AKAP6: variants seen among roughly 807,000 people sequenced by gnomAD.
AKAP6 encodes the protein A-kinase anchoring protein 6.
A neutral mutation model predicts 188.5 loss-of-function variants in AKAP6; 58 were observed. The ratio of observed to expected loss-of-function variants is 0.31; its 90% CI spans 0.25 to 0.38. AKAP6 has a LOEUF of 0.38. AKAP6 is among the 10% of genes least tolerant of loss of function. The pLI is 1.00. For missense variants in AKAP6, 2,710 were observed against 2,740.0 expected (o/e 0.99, Z 0.24); for synonymous variants, 989 against 998.6 (o/e 0.99, Z 0.18).
rs552698061 is a variant in AKAP6, at chr14:32,444,539, T to A, written c.324+10722T>A. On this transcript the variant is annotated intron_variant, in intron 2 of 13. Coordinates refer to ENST00000280979, the MANE Select transcript of AKAP6 (RefSeq NM_004274.5). ...AGCTGCTTCTATTGTTCTGTGATAC[T>A]TTAATGCACCATTTTTCTTCATTAT... Among the ~76,000 whole-genome samples, 3 of 152,338 alleles carry A rather than the reference T, an allele frequency of 2.0e-5. No homozygotes were observed. The East Asian group carries it at 5.8e-4, about 29-fold the overall frequency.
intron 12 of AKAP6, among the ~76,000 whole-genome samples, chr14:32,788,213 A>G (rs1253040340): frequency 1.3e-5 from 2 of 152,172 alleles, no homozygotes; most frequent in East Asian, 1.9e-4. Context: ...GTATTATAAT[A>G]CAATATGGTG....
At position 32,492,134 on chromosome 14, in the gene AKAP6, A is replaced by G. The variant is rs552238993; in HGVS notation, c.325-43420A>G. Among the ~76,000 whole-genome samples, 69 of 151,764 alleles carry G rather than the reference A, an allele frequency of 4.5e-4. 2 individuals carry two copies. In the South Asian group the frequency reaches 0.01, roughly 23 times the overall value. ...AAAATACCTCATACTATCCTTCTAC[A>G]TCTCATGTGATGCCCCTTCCTCCTT... On this transcript the variant is annotated intron_variant, in intron 2 of 13. Transcript: ENST00000280979.
intron 1 of AKAP6, among the ~76,000 whole-genome samples, chr14:32,355,185 C>G (rs993442960): frequency 2.0e-5 from 3 of 152,144 alleles, no homozygotes; most frequent in Non-Finnish European, 4.4e-5. Context: ...AGGATTCTAA[C>G]TGATACAAAC....
chr14:32,470,677 T>G (rs1259402467), intron 2 of AKAP6, among the ~76,000 whole-genome samples: 1 of 152,212 alleles, frequency 6.6e-6, no homozygotes, highest in East Asian at 1.9e-4. Context: ...AATCGTAGTT[T>G]GAACAGACAA....
chr14:32,452,011 ATTTTTTTTTTTT>A (rs61035125), intron 2 of AKAP6, among the ~76,000 whole-genome samples: 11 of 66,202 alleles, frequency 1.7e-4, no homozygotes, highest in Admixed American at 1.2e-3. Flanking sequence ...TTTTCTTTAC[ATTTTTTTTTTTT>A]TTTTTTTTTT....
intron 11 of AKAP6, among the ~76,000 whole-genome samples, chr14:32,762,098 T>C (rs1442460217): frequency 1.3e-5 from 2 of 152,192 alleles, no homozygotes; most frequent in African/African-American, 4.8e-5. Flanking sequence ...TGTAGTATAA[T>C]GGCTAAGTCG....
rs1377315065 is a variant in AKAP6, at chr14:32,837,166, C to T, written c.*7361C>T. On this transcript the variant is annotated 3_prime_UTR_variant, in exon 14 of 14. Transcript: ENST00000280979. ...TATGGGGACGTTTGACTAGGATCAC[C>T]AGATGTAGATTTGGTAATTTTTCCA... 6.6e-6 allele frequency: 1 copy of T among 152,122 alleles called. No individual in the cohort carries two copies. Among genetic ancestry groups the T allele is most frequent in the African/African-American group, 2.4e-5 (1 of 41,412 alleles). The allele number at this position is 152,122 out of a possible 1,614,324, so 9.4% of individuals were successfully genotyped here.
At chr14:32,797,255 G>A (rs909276653) in intron 12 of AKAP6, among the ~76,000 whole-genome samples, 3 of 152,260 alleles carry the variant, frequency 2.0e-5, no homozygotes, top group East Asian at 3.9e-4. Context: ...AATACCATTT[G>A]ACCCAGCAAT....
At chr14:32,551,724 T>C (rs1019912616) in intron 4 of AKAP6, among the ~76,000 whole-genome samples, 1 of 151,942 alleles carries the variant, frequency 6.6e-6, no homozygotes, top group African/African-American at 2.4e-5. Context: ...AGTGGCACGA[T>C]CTCGGCTCAC....
intron 11 of AKAP6, among the ~76,000 whole-genome samples, chr14:32,764,798 C>G (rs920735180): frequency 6.6e-6 from 1 of 151,886 alleles, no homozygotes; most frequent in African/African-American, 2.4e-5. Flanking sequence ...GTGTGGCACA[C>G]ATAAATATAC....
At chr14:32,672,325 C>T (rs1194802388) in intron 7 of AKAP6, among the ~76,000 whole-genome samples, 2 of 152,180 alleles carry the variant, frequency 1.3e-5, no homozygotes, top group African/African-American at 4.8e-5. Flanking sequence ...GCATTTCTAA[C>T]ATGATTAGGC....
intron 3 of AKAP6, among the ~76,000 whole-genome samples, chr14:32,542,374 C>T (rs1998241): frequency 0.091 from 13,872 of 152,190 alleles, 711 homozygotes; most frequent in Admixed American, 0.16. Context: ...CTATGTGCTA[C>T]GAGTACCCTG....
At chr14:32,775,876 T>C (rs1339936762) in intron 12 of AKAP6, among the ~76,000 whole-genome samples, 2 of 152,196 alleles carry the variant, frequency 1.3e-5, no homozygotes, top group African/African-American at 4.8e-5. Flanking sequence ...GCTGAATGTG[T>C]AGACTGGAAA....
intron 12 of AKAP6, among the ~76,000 whole-genome samples, chr14:32,815,536 A>G (rs574532266): frequency 1.3e-5 from 2 of 152,296 alleles, no homozygotes; most frequent in African/African-American, 4.8e-5. Flanking sequence ...TCTTTGTGGG[A>G]TAAGTCCAGC....
intron 7 of AKAP6, among the ~76,000 whole-genome samples, chr14:32,617,539 CAA>C: frequency 1.3e-5 from 2 of 152,214 alleles, no homozygotes; most frequent in Non-Finnish European, 2.9e-5. Context: ...ATATATCCCT[CAA>C]AGACTATTCT....
At chr14:32,471,858 A>G (rs78654020) in intron 2 of AKAP6, among the ~76,000 whole-genome samples, 189 of 152,294 alleles carry the variant, frequency 1.2e-3, no homozygotes, top group African/African-American at 4.4e-3. Flanking sequence ...AGCACAGATA[A>G]CGCAGCGTGT....
chr14:32,348,702 C>T (rs148040150), intron 1 of AKAP6, among the ~76,000 whole-genome samples: 305 of 152,186 alleles, frequency 2.0e-3, no homozygotes, highest in African/African-American at 7.1e-3. Flanking sequence ...CATGAGCCAC[C>T]GTGCCCAGCC....
chr14:32,778,711 A>AT (rs61493362), intron 12 of AKAP6, among the ~76,000 whole-genome samples: 89,235 of 135,764 alleles, frequency 0.66, 29,789 homozygotes, highest in East Asian at 0.77. Context: ...ATACCCAGCA[A>AT]TTTTTTTTTT....
chr14:32,784,826 T>C (rs2033353987), intron 12 of AKAP6, among the ~76,000 whole-genome samples: 1 of 152,154 alleles, frequency 6.6e-6, no homozygotes, highest in Non-Finnish European at 1.5e-5. Context: ...TTCTTTTAGT[T>C]CTTAAAGGGT....
Sources: allele counts gnomAD v4.1 joint callset (sites outside exome capture counted in the v4.1 genomes callset), GRCh38; gene constraint gnomAD v4.1.1; transcripts MANE v1.5; gene names NCBI Gene and HGNC (gene_info 2026-07-23, HGNC 2026-07-21).